The following THRAP3 variants were observed in gnomAD, a reference collection of about 807,000 sequenced individuals.
The protein encoded by THRAP3 is thyroid hormone receptor-associated protein 3.
A neutral mutation model predicts 101.0 loss-of-function variants in THRAP3; 16 were observed. That is an observed-to-expected ratio of 0.16 (90% CI 0.11 to 0.24). The LOEUF is 0.24. THRAP3 is among the 10% of genes least tolerant of loss of function. The probability of loss-of-function intolerance (pLI) is 1.00; values close to 1 mark genes in which losing one functional copy is unlikely to be tolerated. For missense variants in THRAP3, 989 were observed against 1,202.7 expected, an observed-to-expected ratio of 0.82 and a Z score of 2.63; for synonymous variants, 407 against 422.6, an observed-to-expected ratio of 0.96 and a Z score of 0.45.
chr1:36,215,732 A>G, the THRAP3 span, among the ~76,000 whole-genome samples: 3 of 151,880 alleles, frequency 2.0e-5, no homozygotes, highest in Non-Finnish European at 1.5e-5. Context: ...TACTTTTTGC[A>G]TGTCACAAAA....
upstream of THRAP3, among the ~76,000 whole-genome samples, chr1:36,221,138 T>C (rs1211672489): frequency 6.8e-6 from 1 of 147,386 alleles, no homozygotes; most frequent in African/African-American, 2.5e-5. Flanking sequence ...TGTGCACATA[T>C]TGTGGGCCAC....
At chr1:36,243,686 A>G (rs1400413046) in intron 1 of THRAP3, among the ~76,000 whole-genome samples, 2 of 152,150 alleles carry the variant, frequency 1.3e-5, no homozygotes, top group Admixed American at 1.3e-4. Flanking sequence ...CATTGTCATC[A>G]TGGCCCGTTC....
intron 1 of THRAP3, among the ~76,000 whole-genome samples, chr1:36,248,361 G>A (rs79330185): frequency 8.8e-4 from 134 of 151,514 alleles, no homozygotes; most frequent in African/African-American, 1.5e-3. Flanking sequence ...GGCTAGTCTC[G>A]AACTCCTAGC....
Position 36,286,346 on chromosome 1 carries a change from G to C in THRAP3, c.138-22G>C, listed in dbSNP as rs1645795374. 6.5e-7 allele frequency: 1 copy of C among 1,543,734 alleles called. No homozygotes were observed. Among genetic ancestry groups the C allele is most frequent in the Middle Eastern group, 1.7e-4 (1 of 5,740 alleles). On this transcript the variant is annotated intron_variant, in intron 3 of 11. Transcript: ENST00000354618. This position sits in a 1 kb window ranked among gnomAD's most constrained non-coding sequence, Gnocchi z 5.5. The stretch of plus-strand genomic sequence containing the variant: ...GCTTGTGTCAAAAATTCAAACATTT[G>C]TCTCTTTCCTTTCCATTCCAGTTCT...
upstream of THRAP3, among the ~76,000 whole-genome samples, chr1:36,223,272 C>T (rs1644917698): frequency 6.6e-6 from 1 of 152,090 alleles, no homozygotes; most frequent in Non-Finnish European, 1.5e-5. Context: ...CCACTAAGGG[C>T]AAGGGCTGAT....
intron 1 of THRAP3, among the ~76,000 whole-genome samples, chr1:36,229,313 G>A (rs1055037921): frequency 7.9e-5 from 12 of 151,408 alleles, no homozygotes; most frequent in African/African-American, 2.7e-4. Flanking sequence ...AGCCAAGATG[G>A]TCTCCATCTC....
chr1:36,286,698 C>T lies in THRAP3; in HGVS notation c.468C>T (p.Arg156=). The T allele has an allele frequency of 1.9e-6, 3 of 1,614,230 alleles. No individual in the cohort carries two copies. The highest frequency in any genetic ancestry group is 2.5e-6 in the Non-Finnish European group (3 of 1,180,040). The change falls in exon 4 of 12, where the codon CGC becomes CGT. Residue 156 remains arginine, a synonymous_variant. Transcript: ENST00000354618. The surrounding 1 kb of genome is among the most constrained non-coding windows in gnomAD (Gnocchi z 5.5). ...SDKSSSDRSR[R]SSSSRSSSNH... ...AGTCGTCTTCTGACCGGTCAAGGCG[C>T]TCCTCATCCTCCCGTTCTTCCTCCA...
At chr1:36,218,414 C>CAAA in the THRAP3 span, among the ~76,000 whole-genome samples, 44 of 40,066 alleles carry the variant, frequency 1.1e-3, 1 homozygote, top group South Asian at 1.8e-3. Context: ...GACTCTGTCT[C>CAAA]AAAAAAAAAA....
At chr1:36,273,015 G>T (rs147108418) in intron 2 of THRAP3, among the ~76,000 whole-genome samples, 1 of 152,310 alleles carries the variant, frequency 6.6e-6, no homozygotes, top group African/African-American at 2.4e-5. Flanking sequence ...AAGAGGAAGC[G>T]TGAAAGTGTG....
chr1:36,261,983 C>T lies in THRAP3; in HGVS notation c.-32+2499C>T, dbSNP rs183581663. On this transcript the variant is annotated intron_variant, in intron 2 of 11. Transcript: ENST00000354618. ...TGACTGGACAGTACTAGATTGGGTTCTCAATTTGAAGATATAATCATCGTT... is the reference window on the plus strand; with the variant it reads ...TGACTGGACAGTACTAGATTGGGTTTTCAATTTGAAGATATAATCATCGTT... Among the ~76,000 whole-genome samples the T allele has an allele frequency of 2.0e-4, 30 of 152,164 alleles. 1 individual carries two copies. Among genetic ancestry groups the T allele is most frequent in the Admixed American group, 1.7e-3 (26 of 15,260 alleles).
Position 36,249,685 on chromosome 1 carries a change from A to AGTGTGTGTGTGTGTGTGT in THRAP3, c.-134-9679_-134-9662dup, listed in dbSNP as rs66759336. Among the ~76,000 whole-genome samples, 81 of 138,208 alleles carry AGTGTGTGTGTGTGTGTGT rather than the reference A, an allele frequency of 5.9e-4. 1 individual carries two copies. The highest frequency in any genetic ancestry group is 1.3e-3 in the East Asian group (6 of 4,644). The allele number at this position is 138,208 out of a possible 152,430, so 90.7% of individuals were successfully genotyped here. A position where few individuals can be genotyped will look rare whatever the true frequency, so the allele number is the denominator to read the frequency against. ...TTTCGAATAAGCGAAGCAGGTGGTG[A>AGTGTGTGTGTGTGTGTGT]GTGTGTGTGTGTGTGTGTGTGTGTG... On this transcript the variant is annotated intron_variant, in intron 1 of 11. Coordinates refer to ENST00000354618, the MANE Select transcript of THRAP3 (RefSeq NM_005119.4).
Position 36,241,418 on chromosome 1 carries a change from TATATATATATAC to T in THRAP3, c.-135+16915_-135+16926del, listed in dbSNP as rs1557811434. 6.4e-3 allele frequency among the ~76,000 whole-genome samples: 656 copies of T among 102,962 alleles called. 10 individuals carry two copies. The highest frequency in any genetic ancestry group is 0.021 in the African/African-American group (628 of 29,386). The allele number at this position is 102,962 out of a possible 152,430, so 67.5% of individuals were successfully genotyped here. The stretch of plus-strand genomic sequence containing the variant: ...ATATATATATATATATATATATATA[TATATATATATAC>T]ACATATATAAATAAATATATATTCT... On this transcript the variant is annotated intron_variant, in intron 1 of 11. Transcript: ENST00000354618.
chr1:36,295,013 C>T (rs577030697), intron 8 of THRAP3, among the ~76,000 whole-genome samples: 32 of 152,178 alleles, frequency 2.1e-4, no homozygotes, highest in African/African-American at 7.7e-4. Context: ...CACCTGAGGT[C>T]GAGAGTTTGA....
Position 36,267,676 on chromosome 1 carries a change from T to C in THRAP3, c.-32+8192T>C, listed in dbSNP as rs1290269283. Among the ~76,000 whole-genome samples the C allele has an allele frequency of 2.0e-4, 2 of 9,800 alleles. 1 individual carries two copies. The highest frequency in any genetic ancestry group is 2.6e-4 in the African/African-American group (2 of 7,770). The allele number at this position is 9,800 out of a possible 152,430, so 6.4% of individuals were successfully genotyped here. On this transcript the variant is annotated intron_variant, in intron 2 of 11. Coordinates refer to ENST00000354618, the MANE Select transcript of THRAP3 (RefSeq NM_005119.4). ...GAGGCCAGAGCAGATTCTTTTGTTA[T>C]TTGTTAACTGATACTAGGGCTTGAA...
chr1:36,243,886 A>C (rs1171411412), intron 1 of THRAP3, among the ~76,000 whole-genome samples: 1 of 130,532 alleles, frequency 7.7e-6, no homozygotes. Context: ...TGACCCCCCC[A>C]CCTCCCTCCC....
intron 1 of THRAP3, among the ~76,000 whole-genome samples, chr1:36,243,674 G>A (rs973855395): frequency 1.3e-5 from 2 of 152,086 alleles, no homozygotes; most frequent in African/African-American, 2.4e-5. Flanking sequence ...CCACAAAACC[G>A]CCATTGTCAT....
chr1:36,289,268 G>C lies in THRAP3; in HGVS notation c.1249G>C (p.Asp417His), dbSNP rs779816812. 3.7e-6 allele frequency: 6 copies of C among 1,614,106 alleles called. No individual in the cohort carries two copies. Among genetic ancestry groups the C allele is most frequent in the Non-Finnish European group, 5.1e-6 (6 of 1,179,982 alleles). The change falls in exon 5 of 12, where the codon GAC becomes CAC. Residue 417 changes from aspartate to histidine, a missense_variant. Asp to His is a moderately conservative substitution (Grantham distance 81). Transcript: ENST00000354618. ...QSPKRYKLRD[D>H]FEKKMADFHK... is the part of the protein sequence containing the mutation. Reference sequence around the variant, plus strand: ...TCCCAAAAGGTATAAGCTCCGAGATGACTTTGAGAAGAAGATGGCTGACTT... The same window carrying C: ...TCCCAAAAGGTATAAGCTCCGAGATCACTTTGAGAAGAAGATGGCTGACTT...
At chr1:36,298,795 C>T (rs1294108323) in intron 9 of THRAP3, among the ~76,000 whole-genome samples, 2 of 151,078 alleles carry the variant, frequency 1.3e-5, no homozygotes, top group East Asian at 2.0e-4. Flanking sequence ...CATGAGCTAC[C>T]ACACCTGGCC....
At position 36,300,902 on chromosome 1, in the gene THRAP3, A is replaced by G; in HGVS notation, c.2320A>G (p.Arg774Gly). 6.2e-7 allele frequency: 1 copy of G among 1,613,382 alleles called. No homozygotes were observed. Among genetic ancestry groups the G allele is most frequent in the Non-Finnish European group, 8.5e-7 (1 of 1,179,884 alleles). ...TTTTCACAGGAAGCATCGGAGAGCA[A>G]GAGACAGGTCCAGATCCTCCTCCTC... ...SKKQKKHRRARDRSRSSSSSS... is the reference protein window; with the variant it reads ...SKKQKKHRRAGDRSRSSSSSS... The change falls in exon 10 of 12, where the codon AGA (arginine) becomes GGA (glycine). Residue 774 changes from arginine to glycine, a missense_variant. By Grantham distance (125) the Arg-to-Gly change is moderately radical. Coordinates refer to ENST00000354618, the MANE Select transcript of THRAP3 (RefSeq NM_005119.4).
Sources: allele counts gnomAD v4.1 joint callset (sites outside exome capture counted in the v4.1 genomes callset), GRCh38; gene constraint gnomAD v4.1.1; non-coding constraint Gnocchi (gnomAD v3.1); transcripts MANE v1.5; gene names NCBI Gene and HGNC (gene_info 2026-07-23, HGNC 2026-07-21).